Variants in ELK3 observed in about 807,000 individuals in gnomAD.
ELK3 encodes the protein ETS transcription factor ELK3, also known as ETS domain-containing protein Elk-3.
A neutral mutation model predicts 28.9 loss-of-function variants in ELK3; 10 were observed. That is an observed-to-expected ratio of 0.35 (90% CI 0.21 to 0.59). The LOEUF is 0.59. Among genes scored for constraint, ELK3 ranks in the 20% least tolerant of loss-of-function variants. ELK3 has a pLI of 0.82. For synonymous variants in ELK3, 272 were observed against 243.5 expected (o/e 1.12, Z -1.09); for missense variants, 463 against 517.3 (o/e 0.90, Z 1.02).
chr12:96,257,870 C>T (rs55833630), intron 3 of ELK3, among the ~76,000 whole-genome samples: 1,540 of 152,280 alleles, frequency 0.01, 46 homozygotes, highest in Admixed American at 0.061. Context: ...AGATGAAGTA[C>T]GTTTAGTAAG....
rs141206477 is a variant in ELK3, at chr12:96,248,427, G to A, written c.1002+693G>A. 1.2e-4 allele frequency among the ~76,000 whole-genome samples: 19 copies of A among 152,338 alleles called. No individual in the cohort carries two copies. In the East Asian group the frequency reaches 3.7e-3, roughly 29 times the overall value. On this transcript the variant is annotated intron_variant, in intron 3 of 4. Coordinates refer to ENST00000228741, the MANE Select transcript of ELK3 (RefSeq NM_005230.4). ...TTCTTGTCCAGCTGACAATTGCAGT[G>A]CAAAGGCGTAGTAGGTGCTGGGAAA...
chr12:96,239,968 A>G (rs193093025), intron 2 of ELK3, among the ~76,000 whole-genome samples: 1 of 152,348 alleles, frequency 6.6e-6, no homozygotes, highest in East Asian at 1.9e-4. Context: ...TCTAGCAGTT[A>G]TTCACATCTG....
intron 3 of ELK3, among the ~76,000 whole-genome samples, chr12:96,250,634 T>G (rs1161458808): frequency 6.6e-6 from 1 of 152,078 alleles, no homozygotes; most frequent in African/African-American, 2.4e-5. Context: ...AACTGTGGGG[T>G]TCAGGGTGTT....
chr12:96,267,036 C>CGA, intron 4 of ELK3, 46 bp from the exon 5 acceptor site: 1 of 1,534,094 alleles, frequency 6.5e-7, no homozygotes, highest in Non-Finnish European at 8.9e-7. Context: ...AAGTTCTTCC[C>CGA]AATGGATTTG....
At chr12:96,200,553 A>T (rs1951502033) in intron 1 of ELK3, among the ~76,000 whole-genome samples, 1 of 152,150 alleles carries the variant, frequency 6.6e-6, no homozygotes, top group East Asian at 1.9e-4. Flanking sequence ...GCTGGAGTGC[A>T]CTGGCACTGT....
At chr12:96,251,890 A>G (rs1951909903) in intron 3 of ELK3, among the ~76,000 whole-genome samples, 1 of 152,280 alleles carries the variant, frequency 6.6e-6, no homozygotes, top group African/African-American at 2.4e-5. Context: ...GAGAAGCTGC[A>G]GTAAGCTGTC....
intron 1 of ELK3, among the ~76,000 whole-genome samples, chr12:96,209,984 C>T (rs79907668): frequency 0.016 from 2,360 of 151,756 alleles, 60 homozygotes; most frequent in African/African-American, 0.055. Context: ...GTTTTGGCTG[C>T]AATGAGGATT....
intron 1 of ELK3, among the ~76,000 whole-genome samples, chr12:96,201,355 T>G (rs536789981): frequency 6.6e-6 from 1 of 152,108 alleles, no homozygotes; most frequent in South Asian, 2.1e-4. Flanking sequence ...GTGCAGTGGC[T>G]CACATGTGTC....
chr12:96,254,628 G>T (rs771123159), intron 3 of ELK3, among the ~76,000 whole-genome samples: 10 of 152,044 alleles, frequency 6.6e-5, no homozygotes, highest in Non-Finnish European at 1.2e-4. Flanking sequence ...AAGCTGCTGT[G>T]TTTGGAGCTG....
At chr12:96,231,248 A>G (rs34442510) in intron 2 of ELK3, among the ~76,000 whole-genome samples, 18,476 of 152,218 alleles carry the variant, frequency 0.12, 1,541 homozygotes, top group East Asian at 0.25. Flanking sequence ...TGAGTCTTCC[A>G]GAAGGTAGTT....
chr12:96,249,400 G>C (rs1487463373), intron 3 of ELK3, among the ~76,000 whole-genome samples: 1 of 152,118 alleles, frequency 6.6e-6, no homozygotes, highest in Non-Finnish European at 1.5e-5. Flanking sequence ...GAGGGGGAGG[G>C]CCAGGGGATC....
chr12:96,216,001 A>C (rs915806319), intron 1 of ELK3, among the ~76,000 whole-genome samples: 1 of 152,164 alleles, frequency 6.6e-6, no homozygotes, highest in African/African-American at 2.4e-5. Context: ...GGCAGAAAAT[A>C]ATCACTCAGA....
At chr12:96,226,958 C>T (rs1951706919) in intron 2 of ELK3, among the ~76,000 whole-genome samples, 2 of 152,188 alleles carry the variant, frequency 1.3e-5, no homozygotes, top group African/African-American at 4.8e-5. Context: ...TTCCGATGAC[C>T]TCTTTCTTCC....
At chr12:96,201,562 C>G (rs769428273) in intron 1 of ELK3, among the ~76,000 whole-genome samples, 12 of 102,836 alleles carry the variant, frequency 1.2e-4, no homozygotes, top group African/African-American at 4.7e-4. Flanking sequence ...GCCTGGGTAA[C>G]AGAGTGAAAC....
chr12:96,211,486 TTTG>T (rs376645782), intron 1 of ELK3, among the ~76,000 whole-genome samples: 42,146 of 133,178 alleles, frequency 0.32, 6,715 homozygotes, highest in Middle Eastern at 0.51. Context: ...TCATTGTGTG[TTTG>T]TGTGTGTGTG....
At chr12:96,199,048 A>C (rs1041407314) in intron 1 of ELK3, among the ~76,000 whole-genome samples, 1 of 152,158 alleles carries the variant, frequency 6.6e-6, no homozygotes, top group Non-Finnish European at 1.5e-5. Flanking sequence ...CTCTTGAAAG[A>C]CTGAGTTCCT....
intron 1 of ELK3, 116 bp from the exon 2 acceptor site, chr12:96,223,449 G>T (rs956042996): frequency 3.2e-6 from 3 of 934,748 alleles, no homozygotes; most frequent in Admixed American, 2.0e-5. Context: ...TTTTTATTAG[G>T]TTCACTGGGG....
At chr12:96,199,513 TGA>T (rs1491283057) in intron 1 of ELK3, among the ~76,000 whole-genome samples, 1 of 150,960 alleles carries the variant, frequency 6.6e-6, no homozygotes, top group African/African-American at 2.4e-5. Context: ...TGTGTGTGTG[TGA>T]CCTTCTGTGA....
At chr12:96,237,279 G>C (rs557420735) in intron 2 of ELK3, among the ~76,000 whole-genome samples, 33 of 152,170 alleles carry the variant, frequency 2.2e-4, no homozygotes, top group Non-Finnish European at 4.1e-4. Context: ...TTCATAAGAT[G>C]CTCTTAAATA....
Sources: allele counts gnomAD v4.1 joint callset (sites outside exome capture counted in the v4.1 genomes callset), GRCh38; gene constraint gnomAD v4.1.1; transcripts MANE v1.5; gene names NCBI Gene and HGNC (gene_info 2026-07-23, HGNC 2026-07-21).